The following KCNN3 variants were observed in gnomAD, a reference collection of about 807,000 sequenced individuals.
The protein encoded by KCNN3 is potassium calcium-activated channel subfamily N member 3.
A neutral mutation model predicts 62.9 loss-of-function variants in KCNN3; 16 were observed. The ratio of observed to expected loss-of-function variants is 0.25; its 90% CI spans 0.17 to 0.39. The LOEUF (loss-of-function observed/expected upper bound fraction) is 0.39. KCNN3 is among the 10% of genes least tolerant of loss of function. The probability of loss-of-function intolerance (pLI) is 1.00; values close to 1 mark genes in which losing one functional copy is unlikely to be tolerated. For missense variants in KCNN3, 599 were observed against 949.4 expected (o/e 0.63, Z 4.85); for synonymous variants, 370 against 389.2 (o/e 0.95, Z 0.58).
At chr1:154,714,780 A>G (rs1446907428) in intron 6 of KCNN3, 96 bp downstream of exon 6, 1 of 1,539,084 alleles carries the variant, frequency 6.5e-7, no homozygotes, top group Non-Finnish European at 9.0e-7. Flanking sequence ...GTTGAGTGGA[A>G]CAGAATGGAT....
chr1:154,757,433 C>A (rs538212648), intron 3 of KCNN3, among the ~76,000 whole-genome samples: 4 of 152,260 alleles, frequency 2.6e-5, no homozygotes, highest in African/African-American at 9.6e-5. Flanking sequence ...GTGCAAGTTG[C>A]TCCCTGCAGG....
In KCNN3 at chr1:154,869,445, C is replaced by A; in HGVS notation, c.520G>T (p.Ala174Ser). ...RRDSNPFTEI[A>S]MSSCKYSGGV... is the part of the protein sequence containing the mutation. ...CCGCTATACTTGCAGGAGCTCATGGCGATCTCCGTGAAGGGGTTGCTGTCC... is the reference window on the plus strand; with the variant it reads ...CCGCTATACTTGCAGGAGCTCATGGAGATCTCCGTGAAGGGGTTGCTGTCC... The change falls in exon 1 of 8, where the codon GCC becomes TCC. Residue 174 changes from alanine to serine, a missense_variant. By Grantham distance (99) the Ala-to-Ser change is moderately conservative. This residue lies in a region of KCNN3 where 112 missense variants were observed against 142.9 expected (regional missense o/e 0.78). Transcript: ENST00000271915. This position sits in a 1 kb window ranked among gnomAD's most constrained non-coding sequence, Gnocchi z 6.1. The A allele has an allele frequency of 6.2e-7, 1 of 1,614,030 alleles. No homozygotes were observed.
chr1:154,721,151 T>C (rs958457638), intron 5 of KCNN3, among the ~76,000 whole-genome samples: 1 of 151,922 alleles, frequency 6.6e-6, no homozygotes, highest in Non-Finnish European at 1.5e-5. Context: ...GGAGATAGGA[T>C]CCTTAGCACA....
chr1:154,823,425 A>G (rs1293464291), intron 1 of KCNN3, among the ~76,000 whole-genome samples: 1 of 152,256 alleles, frequency 6.6e-6, no homozygotes, highest in South Asian at 2.1e-4. Flanking sequence ...GGCACCTTAC[A>G]GTTTACAAGG....
intron 3 of KCNN3, among the ~76,000 whole-genome samples, chr1:154,761,425 G>A (rs1165037277): frequency 6.6e-6 from 1 of 151,968 alleles, no homozygotes; most frequent in Non-Finnish European, 1.5e-5. Context: ...CCAAGATTGC[G>A]CCACTGCACT....
At chr1:154,819,806 C>T (rs1409553860) in intron 2 of KCNN3, among the ~76,000 whole-genome samples, 1 of 152,164 alleles carries the variant, frequency 6.6e-6, no homozygotes, top group Non-Finnish European at 1.5e-5. Flanking sequence ...ATAGTGACCA[C>T]CTGGTGGACC....
chr1:154,710,140 T>C (rs1051652388), intron 7 of KCNN3, among the ~76,000 whole-genome samples: 5 of 152,182 alleles, frequency 3.3e-5, no homozygotes, highest in African/African-American at 1.2e-4. Flanking sequence ...TGCCAGCCTA[T>C]AGGACAGCAA....
intron 2 of KCNN3, among the ~76,000 whole-genome samples, chr1:154,778,194 C>G (rs112447656): frequency 2.0e-5 from 3 of 152,160 alleles, no homozygotes; most frequent in African/African-American, 7.2e-5. Context: ...ATTCTGAGAG[C>G]TCTGGGAGGG....
intron 2 of KCNN3, among the ~76,000 whole-genome samples, chr1:154,820,848 C>T (rs944722970): frequency 3.3e-5 from 5 of 152,244 alleles, no homozygotes; most frequent in African/African-American, 1.2e-4. Flanking sequence ...CCAAGGTGGC[C>T]TGGAGCCAAG....
chr1:154,763,884 A>T (rs1369086128), intron 3 of KCNN3, among the ~76,000 whole-genome samples: 1 of 152,264 alleles, frequency 6.6e-6, no homozygotes. Flanking sequence ...TTAAAAATTC[A>T]GATTATCAAT....
intron 2 of KCNN3, among the ~76,000 whole-genome samples, chr1:154,792,443 G>T (rs1649555513): frequency 6.6e-6 from 1 of 152,260 alleles, no homozygotes; most frequent in South Asian, 2.1e-4. Context: ...ATGTTTACAG[G>T]ACTTTCTGCA....
chr1:154,798,394 C>G (rs1019622662), intron 2 of KCNN3, among the ~76,000 whole-genome samples: 1 of 152,210 alleles, frequency 6.6e-6, no homozygotes, highest in Admixed American at 6.5e-5. Flanking sequence ...TAGTTATACC[C>G]ATGAAGGCAG....
intron 5 of KCNN3, among the ~76,000 whole-genome samples, chr1:154,717,407 G>A (rs1700253950): frequency 6.6e-6 from 1 of 152,214 alleles, no homozygotes; most frequent in South Asian, 2.1e-4. Flanking sequence ...GGATGTGAGA[G>A]CCAGAATCAC....
intron 5 of KCNN3, among the ~76,000 whole-genome samples, chr1:154,721,549 C>T (rs1700347916): frequency 6.6e-6 from 1 of 152,102 alleles, no homozygotes; most frequent in South Asian, 2.1e-4. Flanking sequence ...GATCCGCCCA[C>T]GTCGGCCTCG....
chr1:154,731,102 C>T (rs1700583920), intron 4 of KCNN3, among the ~76,000 whole-genome samples: 2 of 152,210 alleles, frequency 1.3e-5, no homozygotes, highest in African/African-American at 2.4e-5. Context: ...GGCCCATCCA[C>T]CTACTGGCAA....
chr1:154,793,670 G>A lies in KCNN3; in HGVS notation c.1030-21277C>T, dbSNP rs148246604. On this transcript the variant is annotated intron_variant, in intron 2 of 7. Transcript: ENST00000271915. Reference sequence around the variant, plus strand: ...GGGACTGTTACCCAACTGTTGTGGGGGGAAAGGCAGAAATAGAACACAAAA... The same window carrying A: ...GGGACTGTTACCCAACTGTTGTGGGAGGAAAGGCAGAAATAGAACACAAAA... 5.5e-3 allele frequency among the ~76,000 whole-genome samples: 839 copies of A among 152,270 alleles called. 5 individuals are homozygous for A. Among genetic ancestry groups the A allele is most frequent in the African/African-American group, 0.019 (787 of 41,546 alleles).
intron 1 of KCNN3, among the ~76,000 whole-genome samples, chr1:154,864,411 G>C (rs775853132): frequency 5.9e-5 from 9 of 152,248 alleles, no homozygotes; most frequent in Non-Finnish European, 1.2e-4. Context: ...TGCAGACAAG[G>C]CTTCCGTGAC....
intron 3 of KCNN3, among the ~76,000 whole-genome samples, chr1:154,746,505 C>T (rs1326337485): frequency 1.3e-5 from 2 of 152,092 alleles, no homozygotes; most frequent in African/African-American, 4.8e-5. Context: ...GTTACTCTTG[C>T]CCCAAACCCC....
At chr1:154,729,656 G>T (rs1374713943) in intron 4 of KCNN3, among the ~76,000 whole-genome samples, 1 of 152,218 alleles carries the variant, frequency 6.6e-6, no homozygotes, top group Non-Finnish European at 1.5e-5. Flanking sequence ...AGGGAAGCCT[G>T]GAGGATTTAC....
Sources: allele counts gnomAD v4.1 joint callset (sites outside exome capture counted in the v4.1 genomes callset), GRCh38; gene constraint gnomAD v4.1.1; regional missense constraint gnomAD v4.1.1; non-coding constraint Gnocchi (gnomAD v3.1); transcripts MANE v1.5; gene names NCBI Gene and HGNC (gene_info 2026-07-23, HGNC 2026-07-21).